Variants in TRUB2 observed in about 807,000 individuals in gnomAD.
TRUB2 encodes TruB pseudouridine synthase family member 2, also known as pseudouridylate synthase TRUB2, mitochondrial.
A neutral mutation model predicts 31.9 loss-of-function variants in TRUB2; 31 were observed. That is an observed-to-expected ratio of 0.97 (90% CI 0.73 to 1.31). The LOEUF (loss-of-function observed/expected upper bound fraction) is 1.31, where lower values mean the gene tolerates loss of function less well. Among genes scored for constraint, TRUB2 ranks in the 50% most tolerant of loss-of-function variants. TRUB2 has a pLI of 0.00. For synonymous variants in TRUB2, 201 were observed against 182.6 expected (o/e 1.10, Z -0.81); for missense variants, 451 against 439.6 (o/e 1.03, Z -0.23).
chr9:128,313,377 CAA>C (rs1378777462), intron 5 of TRUB2, among the ~76,000 whole-genome samples: 1 of 127,282 alleles, frequency 7.9e-6, no homozygotes, highest in Admixed American at 8.1e-5. Flanking sequence ...ACTAAAAATA[CAA>C]AAAAAAAAAA....
At chr9:128,311,398 A>C in intron 6 of TRUB2, 131 bp downstream of exon 6, 1 of 943,670 alleles carries the variant, frequency 1.1e-6, no homozygotes, top group East Asian at 2.5e-5. Context: ...GCCAAGAAAG[A>C]AACAGGTAGC....
intron 4 of TRUB2, among the ~76,000 whole-genome samples, chr9:128,314,332 G>A (rs113619563): frequency 2.0e-4 from 30 of 151,908 alleles, no homozygotes; most frequent in Non-Finnish European, 4.0e-4. Context: ...TTATCACCCC[G>A]AGCCCCTTCT....
rs1382247331 is a variant in TRUB2, at chr9:128,307,316, C to G, written c.*2234G>C. The G allele has an allele frequency of 1.3e-5, 2 of 151,798 alleles. No individual in the cohort carries two copies. The highest frequency in any genetic ancestry group is 2.9e-5 in the Non-Finnish European group (2 of 68,020). The allele number at this position is 151,798 out of a possible 1,614,324, so 9.4% of individuals were successfully genotyped here. A position where few individuals can be genotyped will look rare whatever the true frequency, so the allele number is the denominator to read the frequency against. On this transcript the variant is annotated 3_prime_UTR_variant, in exon 8 of 8. Transcript: ENST00000372890. ...TTTAGCCAGGCATCGTGGTGCACGC[C>G]TGTAGTCCCAGCTATTCTGGAGGGT...
At chr9:128,313,611 G>A (rs1041138230) in intron 5 of TRUB2, among the ~76,000 whole-genome samples, 197 bp downstream of exon 5, 1 of 152,124 alleles carries the variant, frequency 6.6e-6, no homozygotes, top group Admixed American at 6.6e-5. Flanking sequence ...AGAGTCTTTG[G>A]AAGTGACGTT....
chr9:128,313,337 T>C lies in TRUB2; in HGVS notation c.460+471A>G, dbSNP rs183762367. 4.7e-5 allele frequency among the ~76,000 whole-genome samples: 7 copies of C among 149,496 alleles called. No individual in the cohort carries two copies. The East Asian group carries it at 1.2e-3, about 26-fold the overall frequency. On this transcript the variant is annotated intron_variant, in intron 5 of 7. Coordinates refer to ENST00000372890, the MANE Select transcript of TRUB2 (RefSeq NM_015679.3). The stretch of plus-strand genomic sequence containing the variant: ...GTCAGGAGATCCAGACCATCTTGGC[T>C]AACATGGTGAAACCCCGTCTCCCAT...
chr9:128,314,336 C>T (rs770574069), intron 4 of TRUB2, among the ~76,000 whole-genome samples: 11 of 152,204 alleles, frequency 7.2e-5, no homozygotes, highest in Non-Finnish European at 1.5e-4. Flanking sequence ...CACCCCGAGC[C>T]CCTTCTAGCA....
Position 128,306,509 on chromosome 9 carries a change from C to T in TRUB2, c.*3041G>A, listed in dbSNP as rs1261244985. The stretch of plus-strand genomic sequence containing the variant: ...CTAGGCTGGAGTGCAGTGGCGCAAT[C>T]TCCACTCACTGCAAGCTCCGCCTCC... On this transcript the variant is annotated 3_prime_UTR_variant, in exon 8 of 8. Transcript: ENST00000372890. The T allele has an allele frequency of 1.3e-5, 2 of 149,768 alleles. No homozygotes were observed. The highest frequency in any genetic ancestry group is 4.9e-5 in the African/African-American group (2 of 40,504). 9.3% of individuals were successfully genotyped at this position (149,768 alleles called of 1,614,324 possible). A position where few individuals can be genotyped will look rare whatever the true frequency, so the allele number is the denominator to read the frequency against.
chr9:128,322,239 A>G (rs1441084187), intron 1 of TRUB2, 61 bp downstream of exon 1: 16 of 1,446,240 alleles, frequency 1.1e-5, no homozygotes, highest in Non-Finnish European at 1.5e-5. Flanking sequence ...AAGGACCAGA[A>G]GCGGAGATGG....
chr9:128,318,668 G>C (rs1024930019), intron 2 of TRUB2, among the ~76,000 whole-genome samples: 3 of 151,906 alleles, frequency 2.0e-5, no homozygotes, highest in Non-Finnish European at 4.4e-5. Context: ...GAGTAGCTAG[G>C]ATTACAGGCA....
At chr9:128,317,483 C>A (rs963813216) in intron 2 of TRUB2, among the ~76,000 whole-genome samples, 3 of 152,134 alleles carry the variant, frequency 2.0e-5, no homozygotes, top group Non-Finnish European at 2.9e-5. Flanking sequence ...AGAAGACTGG[C>A]GTAACACTGA....
rs1239503856 is a variant in TRUB2, at chr9:128,306,463, G to A, written c.*3087C>T. 5.0e-5 allele frequency: 7 copies of A among 140,822 alleles called. No individual in the cohort carries two copies. Among genetic ancestry groups the A allele is most frequent in the African/African-American group, 1.9e-4 (7 of 37,346 alleles). The allele number at this position is 140,822 out of a possible 1,614,324, so 8.7% of individuals were successfully genotyped here. A position where few individuals can be genotyped will look rare whatever the true frequency, so the allele number is the denominator to read the frequency against. ...TTTTCTCTTTTTTTTTTTTTTTTGA[G>A]ACAGAGTCTCACTCTGTCACCTAGG... On this transcript the variant is annotated 3_prime_UTR_variant, in exon 8 of 8. Coordinates refer to ENST00000372890, the MANE Select transcript of TRUB2 (RefSeq NM_015679.3).
intron 4 of TRUB2, among the ~76,000 whole-genome samples, chr9:128,314,666 A>G (rs1832037430): frequency 1.3e-5 from 2 of 152,232 alleles, no homozygotes; most frequent in South Asian, 4.2e-4. Context: ...CCTGGCCTCA[A>G]GTGACCCACC....
intron 3 of TRUB2, chr9:128,316,633 GGCT>G (rs1832073474): frequency 1.3e-5 from 2 of 153,638 alleles, no homozygotes; most frequent in Non-Finnish European, 2.9e-5. Context: ...TGACTGTCGC[GGCT>G]GGAGGATGTG....
intron 4 of TRUB2, among the ~76,000 whole-genome samples, chr9:128,314,726 T>C (rs114551548): frequency 1.3e-5 from 2 of 152,078 alleles, no homozygotes; most frequent in Non-Finnish European, 2.9e-5. Context: ...GCCACAATTT[T>C]TAAAATTTTT....
At position 128,309,878 on chromosome 9, in the gene TRUB2, G is replaced by A. The variant is rs747921521; in HGVS notation, c.671-3C>T. ...CGTCTCATGCATGCACTGCACCTCT[G>A]CCAGGGACACACAATGACAGACATG... is the stretch of plus-strand genomic sequence containing the variant. On this transcript the variant is annotated splice_polypyrimidine_tract_variant and splice_region_variant and intron_variant, in intron 7 of 7. Coordinates refer to ENST00000372890, the MANE Select transcript of TRUB2 (RefSeq NM_015679.3). 2 of 1,612,148 alleles carry A rather than the reference G, an allele frequency of 1.2e-6. No individual in the cohort carries two copies. Among genetic ancestry groups the A allele is most frequent in the South Asian group, 2.2e-5 (2 of 90,920 alleles).
chr9:128,317,237 A>T lies in TRUB2; in HGVS notation c.242-11T>A, dbSNP rs1832085560. ...ATGCTGGTCCACATACTGGAAAGAA[A>T]CAAACAAGGTCCATTTTCTCAACTA... is the stretch of plus-strand genomic sequence containing the variant. On this transcript the variant is annotated splice_polypyrimidine_tract_variant and intron_variant, in intron 2 of 7. Transcript: ENST00000372890. The T allele has an allele frequency of 6.3e-7, 1 of 1,576,198 alleles. No individual in the cohort carries two copies. Among genetic ancestry groups the T allele is most frequent in the Admixed American group, 1.7e-5 (1 of 57,188 alleles).
chr9:128,309,929 G>A (rs1831939814), intron 7 of TRUB2, 54 bp from the exon 8 acceptor site: 1 of 1,575,894 alleles, frequency 6.3e-7, no homozygotes, highest in East Asian at 2.2e-5. Flanking sequence ...CCTCTAGTGT[G>A]TGGTTGTGAA....
At chr9:128,318,920 G>A (rs1351041774) in intron 2 of TRUB2, among the ~76,000 whole-genome samples, 1 of 151,958 alleles carries the variant, frequency 6.6e-6, no homozygotes, top group Non-Finnish European at 1.5e-5. Flanking sequence ...AAGGGCTCAC[G>A]CTTATAATCC....
At chr9:128,320,237 C>T (rs1228588024) in intron 2 of TRUB2, among the ~76,000 whole-genome samples, 5 of 152,008 alleles carry the variant, frequency 3.3e-5, no homozygotes, top group Admixed American at 6.6e-5. Flanking sequence ...GGCACAGTCT[C>T]GGCTCACTGC....
Sources: allele counts gnomAD v4.1 joint callset (sites outside exome capture counted in the v4.1 genomes callset), GRCh38; gene constraint gnomAD v4.1.1; transcripts MANE v1.5; gene names NCBI Gene and HGNC (gene_info 2026-07-23, HGNC 2026-07-21).